Variants in KIRREL3 observed in about 807,000 individuals in gnomAD.
KIRREL3 encodes kin of IRRE-like protein 3.
A neutral mutation model predicts 89.7 loss-of-function variants in KIRREL3; 36 were observed. The ratio of observed to expected loss-of-function variants is 0.40; its 90% CI spans 0.31 to 0.53. KIRREL3 has a LOEUF of 0.53. Among genes scored for constraint, KIRREL3 ranks in the 20% least tolerant of loss-of-function variants. The probability of loss-of-function intolerance (pLI) is 0.49; values close to 1 mark genes in which losing one functional copy is unlikely to be tolerated. For synonymous variants in KIRREL3, 445 were observed against 441.4 expected (o/e 1.01, Z -0.10); for missense variants, 864 against 1,056.6 (o/e 0.82, Z 2.53).
At position 126,429,406 on chromosome 11, in the gene KIRREL3, T is replaced by C; in HGVS notation, c.1697-118A>G. On this transcript the variant is annotated intron_variant, in intron 14 of 16. Transcript: ENST00000525144. This position sits in a 1 kb window ranked among gnomAD's most constrained non-coding sequence, Gnocchi z 5.2. ...CCCTCTGCATTTCCCCTCCAGCCCC[T>C]GAACTCAGCAGCTTCACCAGCCCCC... 1 of 699,118 alleles carries C rather than the reference T, an allele frequency of 1.4e-6. No homozygotes were observed. Among genetic ancestry groups the C allele is most frequent in the African/African-American group, 1.8e-5 (1 of 57,102 alleles). The allele number at this position is 699,118 out of a possible 1,614,324, so 43.3% of individuals were successfully genotyped here.
rs981915893 is a variant in KIRREL3 at position 126,843,119 on chromosome 11, C to T, written c.55+157336G>A. On this transcript the variant is annotated intron_variant, in intron 1 of 16. Transcript: ENST00000525144. This position sits in a 1 kb window ranked among gnomAD's most constrained non-coding sequence, Gnocchi z 4.6. ...TAACAGTGTCCTCGTTCTCACCTGC[C>T]CTTTAGGACAATATCCTGCATTATC... Among the ~76,000 whole-genome samples the T allele has an allele frequency of 1.3e-5, 2 of 152,088 alleles. No homozygotes were observed. Among genetic ancestry groups the T allele is most frequent in the African/African-American group, 4.8e-5 (2 of 41,418 alleles).
chr11:126,501,559 T>C lies in KIRREL3; in HGVS notation c.433+19756A>G, dbSNP rs1957865504. On this transcript the variant is annotated intron_variant, in intron 4 of 16. Coordinates refer to ENST00000525144, the MANE Select transcript of KIRREL3 (RefSeq NM_032531.4). The surrounding 1 kb of genome is among the most constrained non-coding windows in gnomAD (Gnocchi z 5.8). ...GGCGGTGCGTGACAAAGCTAGGATT[T>C]GAACCCAGGCTGTTCAACTCCAAGT... 6.6e-6 allele frequency among the ~76,000 whole-genome samples: 1 copy of C among 152,212 alleles called. No homozygotes were observed. The highest frequency in any genetic ancestry group is 2.4e-5 in the African/African-American group (1 of 41,450).
rs1298850068 is a variant in KIRREL3 at position 126,666,696 on chromosome 11, CT to C, written c.56-103785del. ...AACACTTAGGGTTAAACAGAGCTCT[CT>C]TTTTCTCTCTGGTGAGGTTTTTGCT... On this transcript the variant is annotated intron_variant, in intron 1 of 16. Transcript: ENST00000525144. This position sits in a 1 kb window ranked among gnomAD's most constrained non-coding sequence, Gnocchi z 4.2. Among the ~76,000 whole-genome samples the C allele has an allele frequency of 2.0e-5, 3 of 152,184 alleles. No individual in the cohort carries two copies. The highest frequency in any genetic ancestry group is 7.2e-5 in the African/African-American group (3 of 41,440).
chr11:126,456,057 T>TTTTTTTTTTTTTTTTTTTTTTTTTTTTTC (rs147218473), intron 7 of KIRREL3, among the ~76,000 whole-genome samples: 3 of 109,800 alleles, frequency 2.7e-5, no homozygotes, highest in Non-Finnish European at 3.5e-5. Flanking sequence ...TTTTTTTTTT[T>TTTTTTTTTTTTTTTTTTTTTTTTTTTTTC]CCTGAGCCTT....
rs930288756 is a variant in KIRREL3, at chr11:126,615,004, G to T, written c.56-52092C>A. On this transcript the variant is annotated intron_variant, in intron 1 of 16. Coordinates refer to ENST00000525144, the MANE Select transcript of KIRREL3 (RefSeq NM_032531.4). The surrounding 1 kb of genome is among the most constrained non-coding windows in gnomAD (Gnocchi z 5.4). ...TAGAAAAGGGGGGACTTGGGGAGAG[G>T]CGTGATTTGCGGTCTTCAAGAGGCT... Among the ~76,000 whole-genome samples, 2 of 152,138 alleles carry T rather than the reference G, an allele frequency of 1.3e-5. No individual in the cohort carries two copies. The highest frequency in any genetic ancestry group is 2.9e-5 in the Non-Finnish European group (2 of 68,038).
At chr11:126,882,399 C>G (rs772196516) in intron 1 of KIRREL3, among the ~76,000 whole-genome samples, 1 of 152,210 alleles carries the variant, frequency 6.6e-6, no homozygotes, top group Admixed American at 6.5e-5. Flanking sequence ...AAATTCACCT[C>G]CTTGGTTAAC....
At position 126,750,306 on chromosome 11, in the gene KIRREL3, C is replaced by T. The variant is rs1396245071; in HGVS notation, c.56-187394G>A. On this transcript the variant is annotated intron_variant, in intron 1 of 16. Coordinates refer to ENST00000525144, the MANE Select transcript of KIRREL3 (RefSeq NM_032531.4). This position sits in a 1 kb window ranked among gnomAD's most constrained non-coding sequence, Gnocchi z 4.2. ...CCACCCCATTGAACACATTTCTGTTCCTTGAAGGTGGCATGAGGATGTTCT... is the reference window on the plus strand; with the variant it reads ...CCACCCCATTGAACACATTTCTGTTTCTTGAAGGTGGCATGAGGATGTTCT... Among the ~76,000 whole-genome samples, 1 of 152,122 alleles carries T rather than the reference C, an allele frequency of 6.6e-6. No individual in the cohort carries two copies. The highest frequency in any genetic ancestry group is 1.5e-5 in the Non-Finnish European group (1 of 68,030).
chr11:126,715,067 C>T lies in KIRREL3; in HGVS notation c.56-152155G>A, dbSNP rs1947906054. Among the ~76,000 whole-genome samples the T allele has an allele frequency of 6.6e-6, 1 of 152,212 alleles. No homozygotes were observed. Among genetic ancestry groups the T allele is most frequent in the African/African-American group, 2.4e-5 (1 of 41,454 alleles). On this transcript the variant is annotated intron_variant, in intron 1 of 16. Transcript: ENST00000525144. The surrounding 1 kb of genome is among the most constrained non-coding windows in gnomAD (Gnocchi z 4.4). ...TGTGTGGCTGCATGGCTGGGGACTC[C>T]ATCCTCCTAATGATCAGGTTCTTGT...
chr11:126,884,823 T>G (rs1484296366), intron 1 of KIRREL3, among the ~76,000 whole-genome samples: 1 of 152,036 alleles, frequency 6.6e-6, no homozygotes, highest in African/African-American at 2.4e-5. Context: ...CAACCATCTT[T>G]CAGTACAGAG....
rs1957050700 is a variant in KIRREL3, at chr11:126,475,936, T to A, written c.434-2470A>T. ...CCGACCAGGATGGAGGAGCTCGGGCTCCATGAGCTAGCTGAGGGCCTGGAA... is the reference window on the plus strand; with the variant it reads ...CCGACCAGGATGGAGGAGCTCGGGCACCATGAGCTAGCTGAGGGCCTGGAA... On this transcript the variant is annotated intron_variant, in intron 4 of 16. Transcript: ENST00000525144. This position sits in a 1 kb window ranked among gnomAD's most constrained non-coding sequence, Gnocchi z 7.5. Among the ~76,000 whole-genome samples, 1 of 152,230 alleles carries A rather than the reference T, an allele frequency of 6.6e-6. No individual in the cohort carries two copies. Among genetic ancestry groups the A allele is most frequent in the East Asian group, 1.9e-4 (1 of 5,158 alleles).
rs751870928 is a variant in KIRREL3, at chr11:126,508,200, G to A, written c.433+13115C>T. ...ATAAACATTTATAAACACCTGGATCGACTTGTGAAAGTGTGACACATTTTT... is the reference window on the plus strand; with the variant it reads ...ATAAACATTTATAAACACCTGGATCAACTTGTGAAAGTGTGACACATTTTT... On this transcript the variant is annotated intron_variant, in intron 4 of 16. Coordinates refer to ENST00000525144, the MANE Select transcript of KIRREL3 (RefSeq NM_032531.4). This position sits in a 1 kb window ranked among gnomAD's most constrained non-coding sequence, Gnocchi z 4.9. Among the ~76,000 whole-genome samples, 12 of 152,154 alleles carry A rather than the reference G, an allele frequency of 7.9e-5. No individual in the cohort carries two copies. Among genetic ancestry groups the A allele is most frequent in the Non-Finnish European group, 4.4e-5 (3 of 68,040 alleles).
chr11:126,438,445 C>T (rs183896378), intron 11 of KIRREL3, among the ~76,000 whole-genome samples: 1 of 152,332 alleles, frequency 6.6e-6, no homozygotes, highest in Non-Finnish European at 1.5e-5. Context: ...CCGTGGGGCT[C>T]TCCCAGGCAT....
rs900517996 is a variant in KIRREL3 at position 126,719,892 on chromosome 11, C to T, written c.56-156980G>A. Among the ~76,000 whole-genome samples, 2 of 152,194 alleles carry T rather than the reference C, an allele frequency of 1.3e-5. No homozygotes were observed. Among genetic ancestry groups the T allele is most frequent in the African/African-American group, 2.4e-5 (1 of 41,450 alleles). ...AACCCAGTGGCCACAGCCATCCTTA[C>T]GCAATGTAGCAATGTCAGTTGGATC... On this transcript the variant is annotated intron_variant, in intron 1 of 16. Transcript: ENST00000525144. The surrounding 1 kb of genome is among the most constrained non-coding windows in gnomAD (Gnocchi z 4.7).
At chr11:126,451,346 G>GTGAGCGTGTGCATGTA (rs1956135285) in intron 7 of KIRREL3, among the ~76,000 whole-genome samples, 1 of 135,156 alleles carries the variant, frequency 7.4e-6, no homozygotes. Context: ...GTGTGCATGT[G>GTGAGCGTGTGCATGTA]TGTGCGTATG....
chr11:126,474,635 G>T lies in KIRREL3; in HGVS notation c.434-1169C>A, dbSNP rs938493170. The stretch of plus-strand genomic sequence containing the variant: ...GCCTTCCACTGCATTTTGTAGTAGG[G>T]TCAGAGACGGGTGGCTCCCATCAAG... On this transcript the variant is annotated intron_variant, in intron 4 of 16. Coordinates refer to ENST00000525144, the MANE Select transcript of KIRREL3 (RefSeq NM_032531.4). The surrounding 1 kb of genome is among the most constrained non-coding windows in gnomAD (Gnocchi z 6.7). Among the ~76,000 whole-genome samples, 1 of 152,238 alleles carries T rather than the reference G, an allele frequency of 6.6e-6. No individual in the cohort carries two copies. Among genetic ancestry groups the T allele is most frequent in the Non-Finnish European group, 1.5e-5 (1 of 68,038 alleles).
chr11:126,978,908 G>A lies in KIRREL3; in HGVS notation c.55+21547C>T, dbSNP rs115512031. Among the ~76,000 whole-genome samples the A allele has an allele frequency of 5.9e-3, 897 of 152,294 alleles. 4 individuals carry two copies. Among genetic ancestry groups the A allele is most frequent in the African/African-American group, 0.02 (838 of 41,542 alleles). On this transcript the variant is annotated intron_variant, in intron 1 of 16. Transcript: ENST00000525144. The surrounding 1 kb of genome is among the most constrained non-coding windows in gnomAD (Gnocchi z 4.2). ...TCCCTGAATACATTGAGGTACACCTGCCTTTCTGAAAGTTTGGCAGGTTTC... is the reference window on the plus strand; with the variant it reads ...TCCCTGAATACATTGAGGTACACCTACCTTTCTGAAAGTTTGGCAGGTTTC...
At position 127,000,395 on chromosome 11, in the gene KIRREL3, C is replaced by T; in HGVS notation, c.55+60G>A. The T allele has an allele frequency of 6.8e-7, 1 of 1,469,768 alleles. No individual in the cohort carries two copies. The highest frequency in any genetic ancestry group is 9.3e-7 in the Non-Finnish European group (1 of 1,076,522). 91.0% of individuals were successfully genotyped at this position (1,469,768 alleles called of 1,614,324 possible). On this transcript the variant is annotated intron_variant, in intron 1 of 16. Coordinates refer to ENST00000525144, the MANE Select transcript of KIRREL3 (RefSeq NM_032531.4). This position sits in a 1 kb window ranked among gnomAD's most constrained non-coding sequence, Gnocchi z 7.1. ...GCCTGCCCACGTTCCTGCCCACAGC[C>T]TCCCGCGCCCTGACAACCCAGCCGA...
chr11:126,440,591 C>T (rs920657102), intron 10 of KIRREL3, 42 bp from the exon 11 acceptor site: 20 of 1,526,588 alleles, frequency 1.3e-5, no homozygotes, highest in Non-Finnish European at 1.7e-5. Flanking sequence ...GGGAAGGGCA[C>T]GTCCCTGCTG....
chr11:126,885,709 T>G (rs1592281720), intron 1 of KIRREL3, among the ~76,000 whole-genome samples: 1 of 152,332 alleles, frequency 6.6e-6, no homozygotes, highest in Non-Finnish European at 1.5e-5. Flanking sequence ...GAGTATCACT[T>G]AGCTGAAGGA....
Sources: allele counts gnomAD v4.1 joint callset (sites outside exome capture counted in the v4.1 genomes callset), GRCh38; gene constraint gnomAD v4.1.1; non-coding constraint Gnocchi (gnomAD v3.1); transcripts MANE v1.5; gene names NCBI Gene and HGNC (gene_info 2026-07-23, HGNC 2026-07-21).